CEP41: variants seen among roughly 807,000 people sequenced by gnomAD.
CEP41 encodes centrosomal protein of 41 kDa.
In CEP41, 32 loss-of-function variants were observed where a neutral mutation model predicts 44.3. The observed-to-expected ratio is 0.72, with a 90% CI of 0.54 to 0.97. The LOEUF is 0.97. Among genes scored for constraint, CEP41 ranks in the 50% least tolerant of loss-of-function variants. The probability of loss-of-function intolerance (pLI) is 0.00; values close to 1 mark genes in which losing one functional copy is unlikely to be tolerated. For missense variants in CEP41, 432 were observed against 455.2 expected (o/e 0.95, Z 0.46); for synonymous variants, 151 against 168.5 (o/e 0.90, Z 0.80).
chr7:130,421,404 C>T (rs1584893667), intron 2 of CEP41: 1 of 985,424 alleles, frequency 1.0e-6, no homozygotes, highest in Non-Finnish European at 1.2e-6. Context: ...TGAAAAGAGG[C>T]ACAGTGGTCC....
At chr7:130,404,247 C>A (rs1202760858) in intron 6 of CEP41, among the ~76,000 whole-genome samples, 2 of 152,170 alleles carry the variant, frequency 1.3e-5, no homozygotes, top group Non-Finnish European at 2.9e-5. Flanking sequence ...AAATCATACT[C>A]TCTGAATCAA....
rs578097120 is a variant in CEP41, at chr7:130,393,833, C to A, written c.*5058G>T. ...TATCAGGAAAACAGCCTACTTTTTT[C>A]CCCCTACAATATAATTAAAAGTTTG... On this transcript the variant is annotated 3_prime_UTR_variant, in exon 11 of 11. Coordinates refer to ENST00000223208, the MANE Select transcript of CEP41 (RefSeq NM_018718.3). 1.0e-4 allele frequency: 46 copies of A among 453,492 alleles called. No individual in the cohort carries two copies. The highest frequency in any genetic ancestry group is 8.8e-4 in the African/African-American group (44 of 50,048). The allele number at this position is 453,492 out of a possible 1,614,324, so 28.1% of individuals were successfully genotyped here. A position where few individuals can be genotyped will look rare whatever the true frequency, so the allele number is the denominator to read the frequency against.
chr7:130,441,187 G>A, upstream of CEP41: 1 of 690,952 alleles, frequency 1.4e-6, no homozygotes, highest in South Asian at 1.5e-5. Context: ...GCGGGACGCC[G>A]GCTAGCGAGG....
chr7:130,411,290 A>G (rs1004689043), intron 4 of CEP41, 99 bp from the exon 5 acceptor site: 1 of 962,280 alleles, frequency 1.0e-6, no homozygotes, highest in East Asian at 2.4e-5. Flanking sequence ...AACATCAAAG[A>G]TCTGTTGTTT....
In CEP41 at chr7:130,396,423, C is replaced by G. The variant is rs1554414553; in HGVS notation, c.*2468G>C. On this transcript the variant is annotated 3_prime_UTR_variant, in exon 11 of 11. Coordinates refer to ENST00000223208, the MANE Select transcript of CEP41 (RefSeq NM_018718.3). Reference sequence around the variant, plus strand: ...TTTATTTTTTTTAAAAAATGCTTTCCTAGGAGATGCAGCAAAAATCACACC... The same window carrying G: ...TTTATTTTTTTTAAAAAATGCTTTCGTAGGAGATGCAGCAAAAATCACACC... 6.6e-6 allele frequency: 3 copies of G among 454,410 alleles called. No homozygotes were observed. Among genetic ancestry groups the G allele is most frequent in the Non-Finnish European group, 1.3e-5 (3 of 226,738 alleles). 28.1% of individuals were successfully genotyped at this position (454,410 alleles called of 1,614,324 possible).
At chr7:130,405,789 C>A (rs1796990183) in intron 5 of CEP41, among the ~76,000 whole-genome samples, 1 of 152,190 alleles carries the variant, frequency 6.6e-6, no homozygotes, top group Non-Finnish European at 1.5e-5. Context: ...TTCTACATTA[C>A]AGCTAATCCT....
intron 5 of CEP41, among the ~76,000 whole-genome samples, chr7:130,410,577 T>C (rs1797152501): frequency 1.3e-5 from 2 of 152,206 alleles, no homozygotes; most frequent in South Asian, 2.1e-4. Flanking sequence ...CTGTAAAGTG[T>C]ACCTTCCTTC....
rs542733557 is a variant in CEP41 at position 130,428,162 on chromosome 7, G to A, written c.34-144C>T. The A allele has an allele frequency of 3.5e-4, 236 of 674,636 alleles. 2 individuals are homozygous for A. The highest frequency in any genetic ancestry group is 3.4e-3 in the African/African-American group (191 of 55,944). The allele number at this position is 674,636 out of a possible 1,614,324, so 41.8% of individuals were successfully genotyped here. On this transcript the variant is annotated intron_variant, in intron 1 of 10. Transcript: ENST00000223208. ...GATGGTGCCGGGCATGGTGGCTCAC[G>A]CCTGTAATCCTAACACTTTAGGAGG...
intron 2 of CEP41, among the ~76,000 whole-genome samples, chr7:130,427,568 A>G (rs899881821): frequency 6.6e-6 from 1 of 152,236 alleles, no homozygotes; most frequent in Admixed American, 6.5e-5. Flanking sequence ...CAAACACTGC[A>G]TTGAACAAAT....
At chr7:130,419,663 G>A in intron 2 of CEP41, 4 of 985,104 alleles carry the variant, frequency 4.1e-6, no homozygotes, top group Non-Finnish European at 4.8e-6. Context: ...AAAAAAGTCA[G>A]TGGCTCCCCA....
chr7:130,440,368 T>C (rs565678298), intron 1 of CEP41, among the ~76,000 whole-genome samples: 2 of 152,174 alleles, frequency 1.3e-5, no homozygotes, highest in Non-Finnish European at 2.9e-5. Flanking sequence ...TTTGTACGTC[T>C]AGCACCTACT....
Position 130,394,062 on chromosome 7 carries a change from G to T in CEP41, c.*4829C>A, listed in dbSNP as rs782022549. 4.4e-5 allele frequency: 20 copies of T among 453,920 alleles called. 1 individual carries two copies. The highest frequency in any genetic ancestry group is 2.6e-4 in the South Asian group (17 of 64,464). The allele number at this position is 453,920 out of a possible 1,614,324, so 28.1% of individuals were successfully genotyped here. A position where few individuals can be genotyped will look rare whatever the true frequency, so the allele number is the denominator to read the frequency against. On this transcript the variant is annotated 3_prime_UTR_variant, in exon 11 of 11. Coordinates refer to ENST00000223208, the MANE Select transcript of CEP41 (RefSeq NM_018718.3). ...GGCAAGCGGAGGAAAGTTTTCAAAA[G>T]AATCTCGGCTGACTAGGAGGGAAGG...
intron 1 of CEP41, among the ~76,000 whole-genome samples, chr7:130,432,491 C>A (rs1554425303): frequency 6.6e-6 from 1 of 150,906 alleles, no homozygotes; most frequent in East Asian, 1.9e-4. Flanking sequence ...GTGGCTCACA[C>A]CCGTAATCCC....
Position 130,416,958 on chromosome 7 carries a change from T to C in CEP41, c.106A>G (p.Met36Val), listed in dbSNP as rs782728353. The C allele has an allele frequency of 2.0e-5, 32 of 1,575,544 alleles. No individual in the cohort carries two copies. In the East Asian group the frequency reaches 3.6e-4, roughly 18 times the overall value. The change falls in exon 3 of 11, where the codon ATG (methionine) becomes GTG (valine). Residue 36 changes from methionine (M) to valine (V), a missense_variant. Coordinates refer to ENST00000223208, the MANE Select transcript of CEP41 (RefSeq NM_018718.3). ...TCGAGCTTCTCAGTATATTTAGTCA[T>C]ACTGTTACCTAAAAAGAAAATAAGG... ...IKSRLDTGNS[M>V]TKYTEKLEEI...
upstream of CEP41, chr7:130,441,054 C>G: frequency 1.4e-6 from 2 of 1,421,906 alleles, no homozygotes; most frequent in South Asian, 2.3e-5. Context: ...TGTTCAGCCG[C>G]CTCCCTATAC....
At chr7:130,438,200 C>G (rs1219667452) in intron 1 of CEP41, among the ~76,000 whole-genome samples, 1 of 152,268 alleles carries the variant, frequency 6.6e-6, no homozygotes, top group Admixed American at 6.5e-5. Context: ...TGATTTTGCC[C>G]CCGTAAATAT....
chr7:130,436,114 G>A (rs897230488), intron 1 of CEP41, among the ~76,000 whole-genome samples: 12 of 152,220 alleles, frequency 7.9e-5, no homozygotes, highest in East Asian at 1.9e-4. Context: ...AGATGGTGCC[G>A]CTGCACTCCA....
chr7:130,400,723 G>C lies in CEP41; in HGVS notation c.741C>G (p.Leu247=). Residue 247 remains leucine (L), a synonymous_variant, in exon 9 of 11, where the codon CTC becomes CTG. Transcript: ENST00000223208. ...TTMCERGFEN[L]FMLSGGLKVL... ...CTTGCTCACCTCCGGAAAGCATGAA[G>C]AGGTTTTCAAATCCACGCTCGCACA... The C allele has an allele frequency of 6.2e-7, 1 of 1,611,662 alleles. No homozygotes were observed. Among genetic ancestry groups the C allele is most frequent in the Non-Finnish European group, 8.5e-7 (1 of 1,178,138 alleles).
intron 3 of CEP41, among the ~76,000 whole-genome samples, chr7:130,414,022 T>C (rs781891799): frequency 4.9e-4 from 75 of 152,358 alleles, no homozygotes; most frequent in Non-Finnish European, 8.2e-4. Flanking sequence ...TTTAAGATTA[T>C]TTACCTGGTG....
Sources: gnomAD v4.1 joint callset for allele counts (sites outside exome capture counted in the v4.1 genomes callset) on GRCh38, gnomAD v4.1.1 for gene constraint, MANE v1.5 for transcripts, NCBI Gene and HGNC (gene_info 2026-07-23, HGNC 2026-07-21) for gene names.